BICRA: variants seen among roughly 807,000 people sequenced by gnomAD.
BICRA encodes the protein BRD4-interacting chromatin-remodeling complex-associated protein.
Under a neutral mutation model 96.9 loss-of-function variants are expected in BICRA, and 31 were observed. The ratio of observed to expected loss-of-function variants is 0.32; its 90% CI spans 0.24 to 0.43. The LOEUF (loss-of-function observed/expected upper bound fraction) is 0.43, where lower values mean the gene tolerates loss of function less well. Among genes scored for constraint, BICRA ranks in the 20% least tolerant of loss-of-function variants. The pLI is 1.00. For synonymous variants in BICRA, 1,350 were observed against 1,071.8 expected, an observed-to-expected ratio of 1.26 and a Z score of -5.07; for missense variants, 2,283 against 2,190.3, an observed-to-expected ratio of 1.04 and a Z score of -0.84.
chr19:47,655,551 A>T (rs1337365231), intron 1 of BICRA, among the ~76,000 whole-genome samples: 1 of 133,434 alleles, frequency 7.5e-6, no homozygotes, highest in Non-Finnish European at 1.6e-5. Flanking sequence ...AAAAAAAATT[A>T]GTAAAATGTC....
chr19:47,620,126 G>T (rs951934354), intron 1 of BICRA, among the ~76,000 whole-genome samples: 6 of 152,208 alleles, frequency 3.9e-5, no homozygotes, highest in African/African-American at 1.4e-4. Flanking sequence ...TGTGTGTATC[G>T]GGAGTGTCTT....
At chr19:47,670,851 G>GT (rs1354710479) in intron 2 of BICRA, among the ~76,000 whole-genome samples, 1 of 152,166 alleles carries the variant, frequency 6.6e-6, no homozygotes, top group Non-Finnish European at 1.5e-5. Context: ...GGGCTCATAG[G>GT]TCATGGACCT....
chr19:47,657,742 C>A (rs1212514538), intron 1 of BICRA, among the ~76,000 whole-genome samples: 1 of 152,060 alleles, frequency 6.6e-6, no homozygotes, highest in East Asian at 1.9e-4. Context: ...TACTTTTCAC[C>A]TCCCTTGAGT....
In BICRA at chr19:47,680,251, C is replaced by G. The variant is rs1367731152; in HGVS notation, c.1081C>G (p.Pro361Ala). 6.4e-7 allele frequency: 1 copy of G among 1,562,320 alleles called. No individual in the cohort carries two copies. Among genetic ancestry groups the G allele is most frequent in the East Asian group, 2.4e-5 (1 of 41,672 alleles). The change falls in exon 6 of 15, where the codon CCC becomes GCC. Residue 361 changes from proline (P) to alanine (A), a missense_variant. Physicochemically the swap from Pro to Ala is conservative, Grantham distance 27. Coordinates refer to ENST00000594866, the MANE Select transcript of BICRA (RefSeq NM_001394372.1). Reference sequence around the variant, plus strand: ...GCCCAAGCCCGCGGGGGTGCTGCCGCCCAAGCTCTACCAGCTGACGCCCAA... The same window carrying G: ...GCCCAAGCCCGCGGGGGTGCTGCCGGCCAAGCTCTACCAGCTGACGCCCAA... ...IQPKPAGVLPPKLYQLTPKPF... is the reference protein window; with the variant it reads ...IQPKPAGVLPAKLYQLTPKPF...
In BICRA at chr19:47,699,875, G is replaced by A. The variant is rs1164060684; in HGVS notation, c.3595+470G>A. The A allele has an allele frequency of 6.1e-6, 1 of 163,422 alleles. No homozygotes were observed. The highest frequency in any genetic ancestry group is 1.8e-4 in the East Asian group (1 of 5,700). 10.1% of individuals were successfully genotyped at this position (163,422 alleles called of 1,614,324 possible). ...CAGATCCCAGCTGCCAGAGTTTCCA[G>A]AATATTCCCTTAGCCTTTGCCCACA... On this transcript the variant is annotated intron_variant, in intron 14 of 14. Transcript: ENST00000594866. This position sits in a 1 kb window ranked among gnomAD's most constrained non-coding sequence, Gnocchi z 5.0.
Position 47,701,407 on chromosome 19 carries a change from C to A in BICRA, c.3675C>A (p.Gly1225=). Residue 1225 remains glycine, a synonymous_variant, in exon 15 of 15, where the codon GGC becomes GGA. Transcript: ENST00000594866. This position sits in a 1 kb window ranked among gnomAD's most constrained non-coding sequence, Gnocchi z 5.4. ...AGGGTCATCGGCTTCCCGGCCACGG[C>A]CCCCTGTCGTCTTCAGCTCCCGGGG... ...SSEGHRLPGH[G]PLSSSAPGAS... The A allele has an allele frequency of 6.2e-7, 1 of 1,600,036 alleles. No individual in the cohort carries two copies. Among genetic ancestry groups the A allele is most frequent in the South Asian group, 1.1e-5 (1 of 89,194 alleles).
upstream of BICRA, chr19:47,608,598 C>G (rs1342784526): frequency 1.3e-5 from 2 of 152,100 alleles, no homozygotes; most frequent in Non-Finnish European, 2.9e-5. Flanking sequence ...CCCCAGCATC[C>G]GGATCAGGGC....
Position 47,702,072 on chromosome 19 carries a change from C to T in BICRA, c.4340C>T (p.Pro1447Leu). 1.3e-6 allele frequency: 2 copies of T among 1,512,084 alleles called. No homozygotes were observed. The highest frequency in any genetic ancestry group is 1.8e-6 in the Non-Finnish European group (2 of 1,138,536). The allele number at this position is 1,512,084 out of a possible 1,614,324, so 93.7% of individuals were successfully genotyped here. Reference protein sequence around the residue: ...DELYQRMLKGPPPEPAASAAQ... With the variant: ...DELYQRMLKGLPPEPAASAAQ... ...CTGTACCAGCGTATGCTGAAGGGCC[C>T]CCCGCCAGAGCCCGCAGCCAGCGCC... Residue 1447 changes from proline (P) to leucine (L), a missense_variant, in exon 15 of 15, where the codon CCC (proline) becomes CTC (leucine). Transcript: ENST00000594866.
intron 1 of BICRA, among the ~76,000 whole-genome samples, chr19:47,646,689 G>T (rs1441670503): frequency 6.6e-6 from 1 of 152,172 alleles, no homozygotes; most frequent in Non-Finnish European, 1.5e-5. Context: ...GCGAGGTGAA[G>T]TAAGTCAAGG....
chr19:47,680,796 C>T lies in BICRA; in HGVS notation c.1626C>T (p.Leu542=), dbSNP rs1973035162. 3.1e-6 allele frequency: 5 copies of T among 1,608,902 alleles called. No homozygotes were observed. Among genetic ancestry groups the T allele is most frequent in the African/African-American group, 2.7e-5 (2 of 74,866 alleles). Residue 542 remains leucine, a synonymous_variant, in exon 6 of 15, where the codon CTC becomes CTT. Coordinates refer to ENST00000594866, the MANE Select transcript of BICRA (RefSeq NM_001394372.1). ...PHSGAHSAHI[L]SAAPIQVGQP... ...CCGGGGCCCACAGCGCGCACATCCTCTCCGCCGCTCCCATCCAGGTGGGCC... is the reference window on the plus strand; with the variant it reads ...CCGGGGCCCACAGCGCGCACATCCTTTCCGCCGCTCCCATCCAGGTGGGCC...
At chr19:47,628,676 T>C (rs140745552) in intron 1 of BICRA, among the ~76,000 whole-genome samples, 170 of 151,096 alleles carry the variant, frequency 1.1e-3, no homozygotes, top group African/African-American at 3.7e-3. Context: ...ATGATCATAG[T>C]TCATTGCAGT....
At chr19:47,682,237 C>T (rs915564033) in intron 7 of BICRA, 85 bp downstream of exon 7, 2 of 617,212 alleles carry the variant, frequency 3.2e-6, no homozygotes, top group East Asian at 2.8e-5. Flanking sequence ...GCTCTCCGCC[C>T]TGCCTGCGTC....
At chr19:47,623,036 C>CA (rs879282736) in intron 1 of BICRA, among the ~76,000 whole-genome samples, 92 of 124,786 alleles carry the variant, frequency 7.4e-4, no homozygotes, top group Middle Eastern at 4.5e-3. Flanking sequence ...GAGGCCATCT[C>CA]AAAAAAAAAA....
intron 1 of BICRA, among the ~76,000 whole-genome samples, chr19:47,610,524 C>T (rs529981394): frequency 2.6e-5 from 4 of 152,218 alleles, no homozygotes; most frequent in African/African-American, 9.6e-5. Flanking sequence ...GCCCAGGTGA[C>T]AGGTCCTAGC....
At position 47,654,397 on chromosome 19, in the gene BICRA, A is replaced by G. The variant is rs542641877; in HGVS notation, c.-107-16046A>G. On this transcript the variant is annotated intron_variant, in intron 1 of 14. Coordinates refer to ENST00000594866, the MANE Select transcript of BICRA (RefSeq NM_001394372.1). ...TTGATTTAACCTGTTTACTACTGCA[A>G]TAGTCCTGCCCAAGAAATTAAAAAA... is the stretch of plus-strand genomic sequence containing the variant. Among the ~76,000 whole-genome samples, 4 of 152,186 alleles carry G rather than the reference A, an allele frequency of 2.6e-5. No homozygotes were observed. The South Asian group carries it at 8.3e-4, about 32-fold the overall frequency.
intron 1 of BICRA, among the ~76,000 whole-genome samples, chr19:47,667,461 T>G (rs569226744): frequency 6.6e-6 from 1 of 152,140 alleles, no homozygotes; most frequent in Non-Finnish European, 1.5e-5. Context: ...CTGTCTCTAA[T>G]TCTGCTGGTA....
At chr19:47,665,256 T>G (rs1455518949) in intron 1 of BICRA, among the ~76,000 whole-genome samples, 1 of 152,176 alleles carries the variant, frequency 6.6e-6, no homozygotes, top group Non-Finnish European at 1.5e-5. Context: ...CTTGAATAAA[T>G]GAAAGGATTT....
intron 1 of BICRA, among the ~76,000 whole-genome samples, chr19:47,628,360 G>C (rs2123519332): frequency 6.6e-6 from 1 of 152,276 alleles, no homozygotes; most frequent in South Asian, 2.1e-4. Flanking sequence ...GCTGTGGTCA[G>C]GGGCCTGCCC....
At chr19:47,681,392 G>A (rs1030030287) in intron 6 of BICRA, 116 bp downstream of exon 6, 13 of 928,946 alleles carry the variant, frequency 1.4e-5, no homozygotes, top group African/African-American at 4.9e-5. Flanking sequence ...AGCTGGGGGG[G>A]GAAGGTCTCA....
Sources: allele counts gnomAD v4.1 joint callset (sites outside exome capture counted in the v4.1 genomes callset), GRCh38; gene constraint gnomAD v4.1.1; non-coding constraint Gnocchi (gnomAD v3.1); transcripts MANE v1.5; gene names NCBI Gene and HGNC (gene_info 2026-07-23, HGNC 2026-07-21).